The following NAPA variants were observed in gnomAD, a reference collection of about 807,000 sequenced individuals.
NAPA encodes alpha-soluble NSF attachment protein.
A neutral mutation model predicts 48.0 loss-of-function variants in NAPA; 18 were observed. The observed-to-expected ratio is 0.38, with a 90% CI of 0.26 to 0.56. NAPA has a LOEUF of 0.56. Among genes scored for constraint, NAPA ranks in the 20% least tolerant of loss-of-function variants. The pLI, the probability that NAPA is intolerant of heterozygous loss-of-function variation, is 0.77. For missense variants in NAPA, 315 were observed against 385.0 expected (o/e 0.82, Z 1.52); for synonymous variants, 152 against 149.9 (o/e 1.01, Z -0.10).
chr19:47,498,974 T>C lies in NAPA; in HGVS notation c.295+1659A>G, dbSNP rs961144993. On this transcript the variant is annotated intron_variant, in intron 3 of 10. Coordinates refer to ENST00000263354, the MANE Select transcript of NAPA (RefSeq NM_003827.4). ...CCTTGAAAGATCTCCCATAGCCAAA[T>C]TCACGCCCCCAGCCTCAGCTCTGTG... Among the ~76,000 whole-genome samples, 5 of 152,286 alleles carry C rather than the reference T, an allele frequency of 3.3e-5. No individual in the cohort carries two copies. In the South Asian group the frequency reaches 1.0e-3, roughly 32 times the overall value.
At chr19:47,512,413 C>G (rs1289836614) in intron 1 of NAPA, among the ~76,000 whole-genome samples, 2 of 152,116 alleles carry the variant, frequency 1.3e-5, no homozygotes. Context: ...TCATCGAGCC[C>G]CTCCTTACAG....
chr19:47,511,489 A>C (rs1968804328), intron 1 of NAPA, among the ~76,000 whole-genome samples: 1 of 152,178 alleles, frequency 6.6e-6, no homozygotes, highest in Non-Finnish European at 1.5e-5. Context: ...TATTTGGAGA[A>C]AACAGCCATG....
Position 47,493,457 on chromosome 19 carries a change from T to G in NAPA, c.379A>C (p.Ile127Leu). The G allele has an allele frequency of 6.2e-7, 1 of 1,613,764 alleles. No homozygotes were observed. Among genetic ancestry groups the G allele is most frequent in the Non-Finnish European group, 8.5e-7 (1 of 1,179,876 alleles). Residue 127 changes from isoleucine to leucine, a missense_variant, in exon 5 of 11, where the codon ATT (isoleucine) becomes CTT (leucine). Around this residue, in one of 3 missense-constraint regions of NAPA, gnomAD observed 173 missense variants for 213.5 expected, o/e 0.81. Coordinates refer to ENST00000263354, the MANE Select transcript of NAPA (RefSeq NM_003827.4). This position sits in a 1 kb window ranked among gnomAD's most constrained non-coding sequence, Gnocchi z 6.4. ...FTIAAKHHIS[I>L]AEIYETELVD... is the part of the protein sequence containing the mutation. ...AACTCTGTCTCATAGATCTCAGCAATGGAGATGTGGTGCTTGGCCGCAATC... is the reference window on the plus strand; with the variant it reads ...AACTCTGTCTCATAGATCTCAGCAAGGGAGATGTGGTGCTTGGCCGCAATC...
rs183538189 is a variant in NAPA, at chr19:47,493,563, C to A, written c.343-70G>T. 8,139 of 1,398,710 alleles carry A rather than the reference C, an allele frequency of 5.8e-3. 52 individuals carry two copies. Among genetic ancestry groups the A allele is most frequent in the South Asian group, 0.015 (1,268 of 86,794 alleles). The allele number at this position is 1,398,710 out of a possible 1,614,324, so 86.6% of individuals were successfully genotyped here. A position where few individuals can be genotyped will look rare whatever the true frequency, so the allele number is the denominator to read the frequency against. On this transcript the variant is annotated intron_variant, in intron 4 of 10. Transcript: ENST00000263354. This position sits in a 1 kb window ranked among gnomAD's most constrained non-coding sequence, Gnocchi z 6.4. ...TGCGTGCCTGCCTGCTGACCTATGACCCTTCAAGTTCCCACCCCTCAGCCA... is the reference window on the plus strand; with the variant it reads ...TGCGTGCCTGCCTGCTGACCTATGAACCTTCAAGTTCCCACCCCTCAGCCA...
Position 47,493,008 on chromosome 19 carries a change from C to T in NAPA, c.514G>A (p.Ala172Thr), listed in dbSNP as rs759050834. The stretch of plus-strand genomic sequence containing the variant: ...TTCTGATACTGCTCCAGCAGCGCAG[C>T]GTAACCAGCCACCTTCAGCAGACAC... ...NKCLLKVAGY[A>T]ALLEQYQKAI... The change falls in exon 7 of 11, where the codon GCT becomes ACT. Residue 172 changes from alanine to threonine, a missense_variant. Coordinates refer to ENST00000263354, the MANE Select transcript of NAPA (RefSeq NM_003827.4). This position sits in a 1 kb window ranked among gnomAD's most constrained non-coding sequence, Gnocchi z 6.4. The T allele has an allele frequency of 1.5e-5, 24 of 1,614,042 alleles. No homozygotes were observed. Among genetic ancestry groups the T allele is most frequent in the South Asian group, 1.1e-4 (10 of 91,090 alleles).
At chr19:47,498,603 G>C (rs902006862) in intron 3 of NAPA, among the ~76,000 whole-genome samples, 5 of 151,962 alleles carry the variant, frequency 3.3e-5, no homozygotes, top group African/African-American at 1.2e-4. Flanking sequence ...CTTTTTTTTG[G>C]GGACAGGATC....
Position 47,492,491 on chromosome 19 carries a change from T to C in NAPA, c.562-372A>G, listed in dbSNP as rs572920013. On this transcript the variant is annotated intron_variant, in intron 7 of 10. Transcript: ENST00000263354. ...GAACATGAGAGGCGGCGCCCGCCCC[T>C]CTCTCCCAGGGGGCCAGCTGCCTGC... The C allele has an allele frequency of 1.5e-4, 57 of 385,810 alleles. 1 individual carries two copies. Among genetic ancestry groups the C allele is most frequent in the South Asian group, 1.2e-3 (54 of 43,404 alleles). The allele number at this position is 385,810 out of a possible 1,614,324, so 23.9% of individuals were successfully genotyped here.
chr19:47,487,389 CT>C (rs2122714111), downstream of NAPA, among the ~76,000 whole-genome samples: 1 of 152,310 alleles, frequency 6.6e-6, no homozygotes, highest in Admixed American at 6.5e-5. Flanking sequence ...ATCAAGGCCC[CT>C]GGACCCCAAG....
chr19:47,509,329 TA>T (rs377765215), intron 1 of NAPA, among the ~76,000 whole-genome samples: 52 of 141,830 alleles, frequency 3.7e-4, no homozygotes, highest in African/African-American at 8.6e-4. Context: ...TAAAATAAAA[TA>T]AAATAAAATA....
At chr19:47,500,081 C>T (rs1434878366) in intron 3 of NAPA, among the ~76,000 whole-genome samples, 1 of 152,206 alleles carries the variant, frequency 6.6e-6, no homozygotes, top group Non-Finnish European at 1.5e-5. Flanking sequence ...TGAGTCAGCC[C>T]CAAACTGGGT....
At chr19:47,513,488 C>T (rs982244074) in intron 1 of NAPA, among the ~76,000 whole-genome samples, 3 of 152,170 alleles carry the variant, frequency 2.0e-5, no homozygotes, top group African/African-American at 7.2e-5. Context: ...AACAATTTAC[C>T]CAAAGTCATG....
intron 1 of NAPA, among the ~76,000 whole-genome samples, chr19:47,503,924 G>C (rs1397981562): frequency 1.3e-5 from 2 of 152,230 alleles, no homozygotes; most frequent in Non-Finnish European, 2.9e-5. Flanking sequence ...CTTTCGCAGA[G>C]GCAGCCTTAA....
chr19:47,495,325 G>A (rs1968392349), intron 4 of NAPA: 1 of 593,810 alleles, frequency 1.7e-6, no homozygotes, highest in East Asian at 2.8e-5. Flanking sequence ...TGAAAACCAT[G>A]ACTGCCTGTG....
intron 10 of NAPA, 24 bp from the exon 11 acceptor site, chr19:47,488,413 C>G: frequency 1.3e-6 from 2 of 1,585,166 alleles, no homozygotes; most frequent in Non-Finnish European, 1.7e-6. Flanking sequence ...AGGTGATAGG[C>G]TGGCCATGCT....
chr19:47,498,729 C>A (rs117003340), intron 3 of NAPA, among the ~76,000 whole-genome samples: 4 of 152,320 alleles, frequency 2.6e-5, no homozygotes, highest in Non-Finnish European at 4.4e-5. Context: ...TTGTGTGAGG[C>A]CTGACTAGCC....
At chr19:47,514,724 T>C in intron 1 of NAPA, 119 bp downstream of exon 1, 1 of 916,040 alleles carries the variant, frequency 1.1e-6, no homozygotes, top group East Asian at 2.7e-5. Flanking sequence ...GTCACCTTAT[T>C]GCAGGTTCCT....
Position 47,493,002 on chromosome 19 carries a change from G to T in NAPA, c.520C>A (p.Leu174Met), listed in dbSNP as rs1968319946. ...CLLKVAGYAA[L>M]LEQYQKAIDI... ...ATGGCCTTCTGATACTGCTCCAGCAGCGCAGCGTAACCAGCCACCTTCAGC... is the reference window on the plus strand; with the variant it reads ...ATGGCCTTCTGATACTGCTCCAGCATCGCAGCGTAACCAGCCACCTTCAGC... Residue 174 changes from leucine (L) to methionine (M), a missense_variant, in exon 7 of 11, where the codon CTG (leucine) becomes ATG (methionine). This residue lies in a region of NAPA where 5 missense variants were observed against 21.4 expected (regional missense o/e 0.23). Coordinates refer to ENST00000263354, the MANE Select transcript of NAPA (RefSeq NM_003827.4). This position sits in a 1 kb window ranked among gnomAD's most constrained non-coding sequence, Gnocchi z 6.4. 1 of 1,614,074 alleles carries T rather than the reference G, an allele frequency of 6.2e-7. No individual in the cohort carries two copies. Among genetic ancestry groups the T allele is most frequent in the African/African-American group, 1.3e-5 (1 of 74,924 alleles).
chr19:47,500,939 G>A (rs1968562734), intron 2 of NAPA, among the ~76,000 whole-genome samples, 190 bp from the exon 3 acceptor site: 1 of 152,160 alleles, frequency 6.6e-6, no homozygotes, highest in South Asian at 2.1e-4. Context: ...CTGCGCTCAG[G>A]TCTGCTGGCT....
At position 47,514,896 on chromosome 19, in the gene NAPA, G is replaced by A. The variant is rs1194002600; in HGVS notation, c.45C>T (p.Ala15=). The A allele has an allele frequency of 6.2e-7, 1 of 1,613,990 alleles. No homozygotes were observed. Among genetic ancestry groups the A allele is most frequent in the Non-Finnish European group, 8.5e-7 (1 of 1,179,996 alleles). ...GKEAEAMALL[A]EAERKVKNSQ... ...AGTTCTTCACTTTGCGCTCCGCCTC[G>A]GCCAACAGCGCCATCGCCTCCGCTT... is the stretch of plus-strand genomic sequence containing the variant. Residue 15 remains alanine (A), a synonymous_variant, in exon 1 of 11, where the codon GCC becomes GCT. Coordinates refer to ENST00000263354, the MANE Select transcript of NAPA (RefSeq NM_003827.4).
Sources: allele counts gnomAD v4.1 joint callset (sites outside exome capture counted in the v4.1 genomes callset), GRCh38; gene constraint gnomAD v4.1.1; regional missense constraint gnomAD v4.1.1; non-coding constraint Gnocchi (gnomAD v3.1); transcripts MANE v1.5; gene names NCBI Gene and HGNC (gene_info 2026-07-23, HGNC 2026-07-21).